The following CYP7B1 variants were observed in gnomAD, a reference collection of about 807,000 sequenced individuals.
The protein encoded by CYP7B1 is cytochrome P450 7B1.
A neutral mutation model predicts 42.7 loss-of-function variants in CYP7B1; 29 were observed. The ratio of observed to expected loss-of-function variants is 0.68; its 90% confidence interval spans 0.51 to 0.93. CYP7B1 has a LOEUF of 0.93. CYP7B1 is among the 40% of genes least tolerant of loss of function. The pLI is 0.00. For synonymous variants in CYP7B1, 235 were observed against 218.2 expected (o/e 1.08, Z -0.68); for missense variants, 655 against 600.5 (o/e 1.09, Z -0.95).
intron 1 of CYP7B1, among the ~76,000 whole-genome samples, chr8:64,764,229 G>GCTCCCCCCCCCCCCC (rs1554539986): frequency 8.0e-6 from 1 of 125,150 alleles, no homozygotes; most frequent in African/African-American, 3.1e-5. Context: ...CTTCCACGCT[G>GCTCCCCCCCCCCCCC]CCCCCCCCAC....
chr8:64,705,347 T>C (rs1322947928), intron 1 of CYP7B1, among the ~76,000 whole-genome samples: 1 of 152,034 alleles, frequency 6.6e-6, no homozygotes, highest in Non-Finnish European at 1.5e-5. Context: ...AAAATTGCTA[T>C]TGCATTTCAG....
chr8:64,619,999 T>C (rs1805503121), intron 2 of CYP7B1, among the ~76,000 whole-genome samples: 1 of 151,900 alleles, frequency 6.6e-6, no homozygotes, highest in Non-Finnish European at 1.5e-5. Context: ...CTGGGCAACA[T>C]AGGGAGACCC....
intron 1 of CYP7B1, among the ~76,000 whole-genome samples, chr8:64,694,091 G>T (rs1260343859): frequency 6.6e-6 from 1 of 152,110 alleles, no homozygotes; most frequent in Non-Finnish European, 1.5e-5. Context: ...AGTGTGTTCA[G>T]CCTATTATTT....
In CYP7B1 at chr8:64,592,222, TAC is replaced by T. The variant is rs1805047545; in HGVS notation, c.*4418_*4419del. On this transcript the variant is annotated 3_prime_UTR_variant, in exon 6 of 6. Transcript: ENST00000310193. ...AAGGATGGGATTTTACAATATATAA[TAC>T]AGTTTTTAAAAATTCTAAGCCTCAA... Among the ~76,000 whole-genome samples the T allele has an allele frequency of 6.6e-6, 1 of 150,518 alleles. No individual in the cohort carries two copies. The highest frequency in any genetic ancestry group is 1.5e-5 in the Non-Finnish European group (1 of 67,162).
intron 5 of CYP7B1, among the ~76,000 whole-genome samples, chr8:64,602,029 T>A (rs1417891027): frequency 6.6e-6 from 1 of 152,236 alleles, no homozygotes; most frequent in East Asian, 1.9e-4. Context: ...TCACTCTCAG[T>A]ACATTTATCT....
In CYP7B1 at chr8:64,660,974, C is replaced by A. The variant is rs559313782; in HGVS notation, c.123-36435G>T. On this transcript the variant is annotated intron_variant, in intron 1 of 5. Transcript: ENST00000310193. ...CCTGGAAAGTATAGTAAGAAAAACT[C>A]ACAAAACTAATCACTGAGGATTGAA... Among the ~76,000 whole-genome samples, 72 of 152,284 alleles carry A rather than the reference C, an allele frequency of 4.7e-4. 1 individual carries two copies. The highest frequency in any genetic ancestry group is 3.4e-3 in the Middle Eastern group (1 of 294).
downstream of CYP7B1, chr8:64,589,957 A>G (rs1460693834): frequency 6.6e-6 from 1 of 152,224 alleles, no homozygotes; most frequent in East Asian, 1.9e-4. Context: ...AATAATTAAC[A>G]ATAAACAATT....
chr8:64,679,958 A>G (rs922890596), intron 1 of CYP7B1, among the ~76,000 whole-genome samples: 10 of 152,144 alleles, frequency 6.6e-5, no homozygotes, highest in Admixed American at 2.6e-4. Context: ...TTATAAATAT[A>G]TGATACAGTA....
At chr8:64,589,422 TACC>T (rs1472088385), downstream of CYP7B1, among the ~76,000 whole-genome samples, 1 of 152,246 alleles carries the variant, frequency 6.6e-6, no homozygotes, top group African/African-American at 2.4e-5. Flanking sequence ...AAGGAAGTAC[TACC>T]ACATGTATAG....
At chr8:64,660,883 T>A (rs538799776) in intron 1 of CYP7B1, among the ~76,000 whole-genome samples, 1 of 152,192 alleles carries the variant, frequency 6.6e-6, no homozygotes, top group Non-Finnish European at 1.5e-5. Context: ...TGCACTTTAG[T>A]GAGCAATACT....
chr8:64,685,917 G>A (rs1288527752), intron 1 of CYP7B1, among the ~76,000 whole-genome samples: 10 of 37,980 alleles, frequency 2.6e-4, no homozygotes, highest in African/African-American at 9.8e-4. Flanking sequence ...CCGTCCGGGA[G>A]GGAGGTGGGG....
At chr8:64,770,639 A>G (rs927766265) in intron 1 of CYP7B1, among the ~76,000 whole-genome samples, 4 of 152,204 alleles carry the variant, frequency 2.6e-5, no homozygotes. Flanking sequence ...CACAAATAAA[A>G]ACCCAAGGAT....
chr8:64,595,285 T>G lies in CYP7B1; in HGVS notation c.*1357A>C, dbSNP rs967247220. 6.6e-6 allele frequency among the ~76,000 whole-genome samples: 1 copy of G among 152,240 alleles called. No homozygotes were observed. The highest frequency in any genetic ancestry group is 2.4e-5 in the African/African-American group (1 of 41,454). On this transcript the variant is annotated 3_prime_UTR_variant, in exon 6 of 6. Transcript: ENST00000310193. ...AGGAAGGATAAAATAAATGCTAGACTGTCTTATTTACTTACTAAGAATGTA... is the reference window on the plus strand; with the variant it reads ...AGGAAGGATAAAATAAATGCTAGACGGTCTTATTTACTTACTAAGAATGTA...
At chr8:64,774,508 T>C (rs184355240) in intron 1 of CYP7B1, among the ~76,000 whole-genome samples, 14 of 151,802 alleles carry the variant, frequency 9.2e-5, no homozygotes, top group Non-Finnish European at 1.8e-4. Flanking sequence ...CTTGTGCAAG[T>C]CACAACTTCA....
At chr8:64,742,323 G>T (rs1228426665) in intron 1 of CYP7B1, among the ~76,000 whole-genome samples, 1 of 152,046 alleles carries the variant, frequency 6.6e-6, no homozygotes, top group African/African-American at 2.4e-5. Context: ...TTTAATGTAT[G>T]CATTTTGGCC....
chr8:64,638,503 T>A (rs1220946651), intron 1 of CYP7B1, among the ~76,000 whole-genome samples: 1 of 152,196 alleles, frequency 6.6e-6, no homozygotes, highest in Non-Finnish European at 1.5e-5. Context: ...TTTTGGAGAC[T>A]GTTGCTGAAG....
intron 1 of CYP7B1, among the ~76,000 whole-genome samples, chr8:64,695,609 T>A (rs1806813748): frequency 1.1e-5 from 1 of 87,640 alleles, no homozygotes. Flanking sequence ...ATTCCTTTTT[T>A]TTTTTTTTTT....
At chr8:64,693,065 T>C (rs966218727) in intron 1 of CYP7B1, among the ~76,000 whole-genome samples, 4 of 152,260 alleles carry the variant, frequency 2.6e-5, no homozygotes, top group Non-Finnish European at 5.9e-5. Context: ...GGCAATGACC[T>C]TGTGGTCTCA....
chr8:64,798,303 A>G (rs2129745983), intron 1 of CYP7B1, among the ~76,000 whole-genome samples, 163 bp downstream of exon 1: 1 of 152,364 alleles, frequency 6.6e-6, no homozygotes, highest in African/African-American at 2.4e-5. Flanking sequence ...AAAAGACAGA[A>G]GAAGCCTTTG....
Sources: allele counts gnomAD v4.1 joint callset (sites outside exome capture counted in the v4.1 genomes callset), GRCh38; gene constraint gnomAD v4.1.1; transcripts MANE v1.5; gene names NCBI Gene and HGNC (gene_info 2026-07-23, HGNC 2026-07-21).